ANKS4B: variants seen among roughly 807,000 people sequenced by gnomAD.
ANKS4B encodes ankyrin repeat and SAM domain-containing protein 4B.
In ANKS4B, 21 loss-of-function variants were observed where a neutral mutation model predicts 20.2. The observed-to-expected ratio is 1.04, with a 90% CI of 0.74 to 1.50. The LOEUF (loss-of-function observed/expected upper bound fraction) is 1.50. Ranked by LOEUF, ANKS4B falls within the 40% of genes most tolerant of loss-of-function variation. The pLI, the probability that ANKS4B is intolerant of heterozygous loss-of-function variation, is 0.00. For synonymous variants in ANKS4B, 179 were observed against 194.5 expected, an observed-to-expected ratio of 0.92 and a Z score of 0.66; for missense variants, 473 against 494.6, an observed-to-expected ratio of 0.96 and a Z score of 0.41.
At chr16:21,247,630 T>A (rs529040641) in intron 1 of ANKS4B, among the ~76,000 whole-genome samples, 4 of 152,338 alleles carry the variant, frequency 2.6e-5, no homozygotes, top group Non-Finnish European at 5.9e-5. Flanking sequence ...CCCCTTAGTA[T>A]CTGTATTATC....
At chr16:21,244,043 T>C (rs1309081412) in intron 1 of ANKS4B, 1 of 147,898 alleles carries the variant, frequency 6.8e-6, no homozygotes, top group African/African-American at 2.5e-5. Flanking sequence ...GAAAGCATCA[T>C]TTAAGATTCA....
chr16:21,250,425 A>T lies in ANKS4B; in HGVS notation c.859A>T (p.Ile287Phe), dbSNP rs548769339. The change falls in exon 2 of 2, where the codon ATC (isoleucine) becomes TTC (phenylalanine). Residue 287 changes from isoleucine to phenylalanine, a missense_variant. Transcript: ENST00000311620. ...RRNRISSPED[I>F]SDSKREFGFK... ...GAACAGGATATCGAGTCCTGAAGAC[A>T]TCTCAGATAGCAAGAGAGAGTTTGG... 1 of 1,614,202 alleles carries T rather than the reference A, an allele frequency of 6.2e-7. No homozygotes were observed. Among genetic ancestry groups the T allele is most frequent in the African/African-American group, 1.3e-5 (1 of 75,066 alleles).
rs553792071 is a variant in ANKS4B at position 21,243,721 on chromosome 16, A to G, written c.165-6010A>G. Among the ~76,000 whole-genome samples, 40 of 152,102 alleles carry G rather than the reference A, an allele frequency of 2.6e-4. No individual in the cohort carries two copies. In the South Asian group the frequency reaches 5.0e-3, roughly 19 times the overall value. On this transcript the variant is annotated intron_variant, in intron 1 of 1. Coordinates refer to ENST00000311620, the MANE Select transcript of ANKS4B (RefSeq NM_145865.3). Reference sequence around the variant, plus strand: ...CGAGTAGCTGGGACTACAGGTACACACCACCATGCCTGGCTAATTTTTTTT... The same window carrying G: ...CGAGTAGCTGGGACTACAGGTACACGCCACCATGCCTGGCTAATTTTTTTT...
intron 1 of ANKS4B, among the ~76,000 whole-genome samples, chr16:21,243,610 T>C (rs182830785): frequency 1.1e-4 from 17 of 152,278 alleles, no homozygotes; most frequent in East Asian, 9.6e-4. Flanking sequence ...CTTGCTCTGT[T>C]GCCTGGGCTG....
intron 1 of ANKS4B, among the ~76,000 whole-genome samples, chr16:21,248,482 C>A (rs1371268270): frequency 2.6e-5 from 4 of 152,018 alleles, no homozygotes; most frequent in African/African-American, 9.7e-5. Flanking sequence ...GTAATCCCAG[C>A]ACTTTGGGAG....
intron 1 of ANKS4B, among the ~76,000 whole-genome samples, chr16:21,244,265 G>C (rs2093329841): frequency 6.6e-6 from 1 of 152,004 alleles, no homozygotes; most frequent in African/African-American, 2.4e-5. Flanking sequence ...GCCTGTTGGG[G>C]GGTCGGGGGC....
At chr16:21,248,152 A>G (rs1350381449) in intron 1 of ANKS4B, among the ~76,000 whole-genome samples, 2 of 152,084 alleles carry the variant, frequency 1.3e-5, no homozygotes, top group Non-Finnish European at 2.9e-5. Flanking sequence ...AAAGTTTGAC[A>G]GCTAAATATA....
At chr16:21,236,478 G>A (rs1051867653) in intron 1 of ANKS4B, among the ~76,000 whole-genome samples, 1 of 152,174 alleles carries the variant, frequency 6.6e-6, no homozygotes, top group Non-Finnish European at 1.5e-5. Flanking sequence ...TGTTCCATTT[G>A]AGGACATTTT....
At chr16:21,246,452 A>AT (rs1043427589) in intron 1 of ANKS4B, among the ~76,000 whole-genome samples, 1 of 152,184 alleles carries the variant, frequency 6.6e-6, no homozygotes, top group Non-Finnish European at 1.5e-5. Flanking sequence ...AAGTATATTG[A>AT]TTTTTTTATT....
intron 1 of ANKS4B, among the ~76,000 whole-genome samples, chr16:21,235,324 T>A (rs2093319038): frequency 6.6e-6 from 1 of 152,048 alleles, no homozygotes; most frequent in South Asian, 2.1e-4. Flanking sequence ...ACTGCTCTAG[T>A]TCTGAGAACT....
rs151182255 is a variant in ANKS4B at position 21,250,862 on chromosome 16, C to A, written c.*42C>A. ...GGAGCATTGGGGTGATGCTGTGGCCCGCTGGCAGCACTCCAGGCGGCACCC... is the reference window on the plus strand; with the variant it reads ...GGAGCATTGGGGTGATGCTGTGGCCAGCTGGCAGCACTCCAGGCGGCACCC... On this transcript the variant is annotated 3_prime_UTR_variant, in exon 2 of 2. Transcript: ENST00000311620. The A allele has an allele frequency of 6.5e-7, 1 of 1,540,380 alleles. No homozygotes were observed. The highest frequency in any genetic ancestry group is 1.2e-5 in the South Asian group (1 of 80,350).
At chr16:21,234,076 C>G (rs1317089168) in intron 1 of ANKS4B, among the ~76,000 whole-genome samples, 175 bp downstream of exon 1, 1 of 152,206 alleles carries the variant, frequency 6.6e-6, no homozygotes, top group East Asian at 1.9e-4. Context: ...TCTTTTCTCA[C>G]TGAGGACTGG....
intron 1 of ANKS4B, among the ~76,000 whole-genome samples, chr16:21,236,527 T>C (rs886143182): frequency 1.3e-5 from 2 of 152,160 alleles, no homozygotes; most frequent in African/African-American, 4.8e-5. Context: ...TTTCTCTCCT[T>C]TGAAAGCCTG....
At position 21,249,914 on chromosome 16, in the gene ANKS4B, C is replaced by T; in HGVS notation, c.348C>T (p.Leu116=). The part of the protein sequence containing the change: ...ASREQNECVA[L]LDKAATAQNI... Reference sequence around the variant, plus strand: ...GGGAGCAGAATGAATGTGTTGCTCTCCTGGACAAGGCTGCCACTGCACAGA... The same window carrying T: ...GGGAGCAGAATGAATGTGTTGCTCTTCTGGACAAGGCTGCCACTGCACAGA... Residue 116 remains leucine (L), a synonymous_variant, in exon 2 of 2, where the codon CTC becomes CTT. Transcript: ENST00000311620. 1 of 1,614,170 alleles carries T rather than the reference C, an allele frequency of 6.2e-7. No homozygotes were observed. The highest frequency in any genetic ancestry group is 2.2e-5 in the East Asian group (1 of 44,874).
Position 21,250,608 on chromosome 16 carries a change from C to G in ANKS4B, c.1042C>G (p.Leu348Val). The part of the protein sequence containing the change: ...WEEDVVDATP[L>V]EVFLLSQHLE... ...GGAAGATGTGGTCGATGCCACGCCC[C>G]TGGAAGTGTTCTTGCTGTCTCAGCA... is the stretch of plus-strand genomic sequence containing the variant. The change falls in exon 2 of 2, where the codon CTG becomes GTG. Residue 348 changes from leucine (L) to valine (V), a missense_variant. Transcript: ENST00000311620. 1 of 1,614,090 alleles carries G rather than the reference C, an allele frequency of 6.2e-7. No individual in the cohort carries two copies. Among genetic ancestry groups the G allele is most frequent in the Non-Finnish European group, 8.5e-7 (1 of 1,179,988 alleles).
chr16:21,241,692 G>A (rs770529479), intron 1 of ANKS4B, among the ~76,000 whole-genome samples: 3 of 152,168 alleles, frequency 2.0e-5, no homozygotes, highest in Non-Finnish European at 4.4e-5. Context: ...GATTATAGGC[G>A]TGAGCTACTG....
rs1344214196 is a variant in ANKS4B, at chr16:21,250,323, T to C, written c.757T>C (p.Ser253Pro). 1 of 1,614,108 alleles carries C rather than the reference T, an allele frequency of 6.2e-7. No homozygotes were observed. The highest frequency in any genetic ancestry group is 8.5e-7 in the Non-Finnish European group (1 of 1,180,056). Reference protein sequence around the residue: ...SGDFKEKLQLSAEEDGSVHHE... With the variant: ...SGDFKEKLQLPAEEDGSVHHE... ...GGACTTCAAAGAGAAGCTCCAGTTGTCAGCAGAGGAGGACGGCAGTGTGCA... is the reference window on the plus strand; with the variant it reads ...GGACTTCAAAGAGAAGCTCCAGTTGCCAGCAGAGGAGGACGGCAGTGTGCA... Residue 253 changes from serine (S) to proline (P), a missense_variant, in exon 2 of 2, where the codon TCA (serine) becomes CCA (proline). Transcript: ENST00000311620.
chr16:21,245,784 C>A (rs77260614), intron 1 of ANKS4B, among the ~76,000 whole-genome samples: 1 of 152,046 alleles, frequency 6.6e-6, no homozygotes, highest in African/African-American at 2.4e-5. Flanking sequence ...TTTTTAAAAA[C>A]CCACAAGCAT....
At chr16:21,236,763 T>A (rs1360775560) in intron 1 of ANKS4B, among the ~76,000 whole-genome samples, 1 of 152,056 alleles carries the variant, frequency 6.6e-6, no homozygotes, top group Admixed American at 6.6e-5. Flanking sequence ...CCCAGAAAAT[T>A]AAACCATACA....
Sources: allele counts gnomAD v4.1 joint callset (sites outside exome capture counted in the v4.1 genomes callset), GRCh38; gene constraint gnomAD v4.1.1; transcripts MANE v1.5; gene names NCBI Gene and HGNC (gene_info 2026-07-23, HGNC 2026-07-21).